Variants in NT5DC1 observed in about 807,000 individuals in gnomAD.
NT5DC1 encodes the protein 5'-nucleotidase domain-containing protein 1.
NT5DC1 carries 42 observed loss-of-function variants against 59.4 expected under a neutral mutation model. The ratio of observed to expected loss-of-function variants is 0.71; its 90% CI spans 0.55 to 0.92. The LOEUF (loss-of-function observed/expected upper bound fraction) is 0.92. Ranked by LOEUF, NT5DC1 falls within the 40% of genes least tolerant of loss-of-function variation. The pLI, the probability that NT5DC1 is intolerant of heterozygous loss-of-function variation, is 0.00. For missense variants in NT5DC1, 501 were observed against 537.1 expected (o/e 0.93, Z 0.66); for synonymous variants, 172 against 188.1 (o/e 0.91, Z 0.70).
chr6:116,111,799 G>A (rs1186203710), intron 4 of NT5DC1, among the ~76,000 whole-genome samples: 1 of 152,186 alleles, frequency 6.6e-6, no homozygotes, highest in African/African-American at 2.4e-5. Context: ...GAGTGCTCTT[G>A]ATAAAATTAG....
At chr6:116,215,231 A>G (rs555345501) in intron 6 of NT5DC1, among the ~76,000 whole-genome samples, 70 of 152,328 alleles carry the variant, frequency 4.6e-4, no homozygotes, top group Non-Finnish European at 9.0e-4. Flanking sequence ...CTTCTTACCC[A>G]GCTTTCTGGA....
intron 5 of NT5DC1, among the ~76,000 whole-genome samples, chr6:116,116,643 A>AAAT (rs976161593): frequency 2.0e-5 from 3 of 151,958 alleles, no homozygotes; most frequent in African/African-American, 7.3e-5. Context: ...CTGCGTCTCA[A>AAAT]AATAATAATA....
intron 6 of NT5DC1, chr6:116,125,620 A>G (rs528698864): frequency 4.6e-5 from 40 of 860,372 alleles, no homozygotes; most frequent in Admixed American, 1.1e-4. Flanking sequence ...AACCTATCCT[A>G]TATATTTTTA....
intron 6 of NT5DC1, chr6:116,121,349 C>G: frequency 1.9e-6 from 3 of 1,614,078 alleles, no homozygotes; most frequent in Non-Finnish European, 2.5e-6. Flanking sequence ...CCCTCGTTCC[C>G]CAGGAGGGCC....
At chr6:116,191,534 A>G (rs1341822945) in intron 6 of NT5DC1, among the ~76,000 whole-genome samples, 1 of 152,080 alleles carries the variant, frequency 6.6e-6, no homozygotes, top group East Asian at 1.9e-4. Flanking sequence ...TCTAACTCAA[A>G]AAAGCTTTTT....
At chr6:116,239,369 G>A (rs1471252799) in intron 11 of NT5DC1, among the ~76,000 whole-genome samples, 1 of 152,002 alleles carries the variant, frequency 6.6e-6, no homozygotes, top group Non-Finnish European at 1.5e-5. Flanking sequence ...AGAGTTACCA[G>A]GACAAGCTGC....
chr6:116,102,370 A>T (rs1435060240), intron 1 of NT5DC1, among the ~76,000 whole-genome samples: 2 of 152,134 alleles, frequency 1.3e-5, no homozygotes, highest in East Asian at 3.9e-4. Context: ...TTCTTACCTT[A>T]CAGGTCTGGT....
chr6:116,187,229 T>G (rs1781019894), intron 6 of NT5DC1, among the ~76,000 whole-genome samples: 1 of 152,070 alleles, frequency 6.6e-6, no homozygotes, highest in Non-Finnish European at 1.5e-5. Context: ...TCAGGTCTCT[T>G]AGCTGTGGCT....
chr6:116,115,994 G>A (rs1778956376), intron 5 of NT5DC1, among the ~76,000 whole-genome samples: 3 of 151,922 alleles, frequency 2.0e-5, no homozygotes. Flanking sequence ...CTATTCTCCA[G>A]CAGAGGGGGC....
intron 6 of NT5DC1, among the ~76,000 whole-genome samples, chr6:116,124,660 C>T (rs1262828626): frequency 6.6e-6 from 1 of 152,210 alleles, no homozygotes; most frequent in Non-Finnish European, 1.5e-5. Flanking sequence ...GAGATAGCTG[C>T]TCCTTATTTT....
intron 6 of NT5DC1, among the ~76,000 whole-genome samples, chr6:116,169,816 GT>G (rs1408373519): frequency 6.6e-6 from 1 of 152,150 alleles, no homozygotes; most frequent in East Asian, 1.9e-4. Context: ...TTGAAAGTGT[GT>G]ATAGATGATA....
chr6:116,150,815 A>G (rs137914359), intron 6 of NT5DC1, among the ~76,000 whole-genome samples: 1 of 152,348 alleles, frequency 6.6e-6, no homozygotes, highest in African/African-American at 2.4e-5. Context: ...GGAGTCTTAT[A>G]TATCTAGTGA....
At chr6:116,159,558 G>GT (rs1780281749) in intron 6 of NT5DC1, among the ~76,000 whole-genome samples, 1 of 152,172 alleles carries the variant, frequency 6.6e-6, no homozygotes, top group South Asian at 2.1e-4. Flanking sequence ...TGCTGAATCT[G>GT]TATGATGTAG....
intron 2 of NT5DC1, among the ~76,000 whole-genome samples, chr6:116,107,142 G>A (rs754187826): frequency 2.6e-5 from 4 of 151,172 alleles, no homozygotes; most frequent in East Asian, 1.9e-4. Context: ...GCTGTGAGCC[G>A]CTGATCATGC....
chr6:116,188,871 A>G (rs1781059624), intron 6 of NT5DC1, among the ~76,000 whole-genome samples: 1 of 151,684 alleles, frequency 6.6e-6, no homozygotes, highest in East Asian at 1.9e-4. Context: ...CATAGCTGAT[A>G]CTCTGTTTTT....
At chr6:116,220,958 T>A in intron 6 of NT5DC1, 96 bp from the exon 7 acceptor site, 1 of 646,178 alleles carries the variant, frequency 1.5e-6, no homozygotes, top group Non-Finnish European at 2.7e-6. Context: ...CCTTTTAGTT[T>A]TATCTATAGA....
intron 6 of NT5DC1, among the ~76,000 whole-genome samples, chr6:116,186,699 T>C (rs542709116): frequency 2.0e-5 from 3 of 152,244 alleles, no homozygotes; most frequent in South Asian, 2.1e-4. Context: ...TTTGCATTTC[T>C]CTAAGTGTGT....
chr6:116,226,495 T>G (rs1468056048), intron 8 of NT5DC1, among the ~76,000 whole-genome samples: 7 of 152,074 alleles, frequency 4.6e-5, no homozygotes, highest in Admixed American at 4.6e-4. Context: ...CTCTATTTAA[T>G]TGAGAGTATC....
chr6:116,163,141 A>AAAAAAAATATAT (rs761718922), intron 6 of NT5DC1, among the ~76,000 whole-genome samples: 10 of 88,392 alleles, frequency 1.1e-4, no homozygotes, highest in African/African-American at 5.8e-4. Flanking sequence ...AAAAAAAAAA[A>AAAAAAAATATAT]ATATATATAT....
Sources: gnomAD v4.1 joint callset for allele counts (sites outside exome capture counted in the v4.1 genomes callset) on GRCh38, gnomAD v4.1.1 for gene constraint, MANE v1.5 for transcripts, NCBI Gene and HGNC (gene_info 2026-07-23, HGNC 2026-07-21) for gene names.